The following CERS3 variants were observed in gnomAD, a reference collection of about 807,000 sequenced individuals.
The protein encoded by CERS3 is LAG1 homolog, ceramide synthase 3.
A neutral mutation model predicts 50.3 loss-of-function variants in CERS3; 33 were observed. That is an observed-to-expected ratio of 0.66 (90% confidence interval 0.50 to 0.88). The LOEUF is 0.88. Among genes scored for constraint, CERS3 ranks in the 40% least tolerant of loss-of-function variants. The pLI, the probability that CERS3 is intolerant of heterozygous loss-of-function variation, is 0.00. For missense variants in CERS3, 470 were observed against 460.3 expected (o/e 1.02, Z -0.19); for synonymous variants, 176 against 155.2 (o/e 1.13, Z -0.99).
chr15:100,484,358 G>T (rs1392977501), intron 5 of CERS3, among the ~76,000 whole-genome samples, 192 bp downstream of exon 5: 2 of 152,186 alleles, frequency 1.3e-5, no homozygotes, highest in African/African-American at 4.8e-5. Context: ...AGAGTTCAGA[G>T]CTTACTTGAT....
At chr15:100,448,877 G>C (rs2034046740) in intron 11 of CERS3, among the ~76,000 whole-genome samples, 1 of 152,214 alleles carries the variant, frequency 6.6e-6, no homozygotes, top group Non-Finnish European at 1.5e-5. Flanking sequence ...CTTAGTAGTA[G>C]AGTCAGCATG....
chr15:100,434,725 A>T (rs953296919), intron 11 of CERS3, among the ~76,000 whole-genome samples: 1 of 152,102 alleles, frequency 6.6e-6, no homozygotes, highest in African/African-American at 2.4e-5. Context: ...AAACTCTCAT[A>T]TCCTGCTGTG....
At chr15:100,505,408 T>C (rs2036148148) in intron 2 of CERS3, among the ~76,000 whole-genome samples, 1 of 152,360 alleles carries the variant, frequency 6.6e-6, no homozygotes, top group Non-Finnish European at 1.5e-5. Context: ...GAAACTTTAA[T>C]ACTCAACAGC....
At chr15:100,490,736 G>T in intron 4 of CERS3, 81 bp downstream of exon 4, 1 of 807,000 alleles carries the variant, frequency 1.2e-6, no homozygotes, top group Non-Finnish European at 2.1e-6. Flanking sequence ...TAGATTTCTT[G>T]CACACACAAG....
chr15:100,422,923 T>C (rs1320802874), intron 11 of CERS3, among the ~76,000 whole-genome samples: 1 of 54,602 alleles, frequency 1.8e-5, no homozygotes, highest in Non-Finnish European at 3.4e-5. Flanking sequence ...TATCACACTC[T>C]GGGGACTGTT....
chr15:100,480,611 C>A (rs1203219968), intron 5 of CERS3, among the ~76,000 whole-genome samples: 7 of 152,178 alleles, frequency 4.6e-5, no homozygotes. Flanking sequence ...ACAAATGGAT[C>A]TTATTTAGAT....
chr15:100,517,815 G>A (rs1253608583), intron 2 of CERS3, among the ~76,000 whole-genome samples: 5 of 152,106 alleles, frequency 3.3e-5, no homozygotes, highest in Admixed American at 2.0e-4. Context: ...GGGTGTGAGC[G>A]TTTACAGGAG....
intron 10 of CERS3, among the ~76,000 whole-genome samples, chr15:100,464,989 C>T (rs1423370697): frequency 6.6e-6 from 1 of 152,026 alleles, no homozygotes; most frequent in African/African-American, 2.4e-5. Context: ...TGCAAATGTG[C>T]TTGAGGCTGG....
chr15:100,539,143 A>G (rs1439292129), intron 1 of CERS3, among the ~76,000 whole-genome samples: 1 of 152,194 alleles, frequency 6.6e-6, no homozygotes, highest in Non-Finnish European at 1.5e-5. Context: ...TCTCCATCTG[A>G]GACCATCTCA....
At chr15:100,530,723 C>T (rs755891947), upstream of CERS3, among the ~76,000 whole-genome samples, 3 of 152,160 alleles carry the variant, frequency 2.0e-5, no homozygotes, top group African/African-American at 4.8e-5. Flanking sequence ...GGGGATATCT[C>T]GGGAAAAGAA....
At chr15:100,453,828 A>C (rs1282329712) in intron 11 of CERS3, among the ~76,000 whole-genome samples, 3 of 152,226 alleles carry the variant, frequency 2.0e-5, no homozygotes, top group African/African-American at 7.2e-5. Context: ...AACATAAAAA[A>C]TAGTGTCTAT....
intron 1 of CERS3, among the ~76,000 whole-genome samples, chr15:100,523,526 C>T (rs1031588239): frequency 4.0e-5 from 6 of 151,710 alleles, no homozygotes; most frequent in African/African-American, 1.2e-4. Context: ...ACGGTGAAAC[C>T]CTGTCTCTAC....
At chr15:100,504,605 C>T (rs1234870856) in intron 2 of CERS3, among the ~76,000 whole-genome samples, 1 of 151,976 alleles carries the variant, frequency 6.6e-6, no homozygotes, top group Admixed American at 6.6e-5. Flanking sequence ...CTATTTATAC[C>T]ATTGCGAAGT....
upstream of CERS3, among the ~76,000 whole-genome samples, chr15:100,531,213 G>C (rs560203730): frequency 5.9e-5 from 9 of 152,270 alleles, 1 homozygote; most frequent in South Asian, 1.4e-3. Context: ...AAATCAAATC[G>C]GAACTATTTA....
chr15:100,503,577 T>C (rs907846618), intron 2 of CERS3: 2 of 396,650 alleles, frequency 5.0e-6, no homozygotes, highest in African/African-American at 2.1e-5. Context: ...TGTGAGCCCA[T>C]AGGGTGTCTT....
chr15:100,498,568 C>G (rs1331971897), intron 3 of CERS3, among the ~76,000 whole-genome samples: 1 of 152,086 alleles, frequency 6.6e-6, no homozygotes, highest in Non-Finnish European at 1.5e-5. Flanking sequence ...GGTTAATTAC[C>G]AGGGAATGAG....
chr15:100,408,272 C>T (rs979009612), intron 11 of CERS3, among the ~76,000 whole-genome samples: 1 of 152,156 alleles, frequency 6.6e-6, no homozygotes, highest in African/African-American at 2.4e-5. Context: ...TACTTTTCTT[C>T]GTTTGGAAAC....
chr15:100,420,861 A>G (rs2032371589), intron 11 of CERS3, among the ~76,000 whole-genome samples: 2 of 151,690 alleles, frequency 1.3e-5, no homozygotes, highest in Admixed American at 1.3e-4. Flanking sequence ...ATGCAGAAAA[A>G]GCCTTTGACA....
At chr15:100,506,351 G>C (rs1022016622) in intron 2 of CERS3, among the ~76,000 whole-genome samples, 1 of 152,086 alleles carries the variant, frequency 6.6e-6, no homozygotes, top group African/African-American at 2.4e-5. Context: ...AAGATGCTCT[G>C]CCTCAGCCAT....
Sources: gnomAD v4.1 joint callset for allele counts (sites outside exome capture counted in the v4.1 genomes callset) on GRCh38, gnomAD v4.1.1 for gene constraint, MANE v1.5 for transcripts, NCBI Gene and HGNC (gene_info 2026-07-23, HGNC 2026-07-21) for gene names.